The following CFAP299 variants were observed in gnomAD, a reference collection of about 807,000 sequenced individuals.
CFAP299 encodes cilia and flagella associated protein 299.
A neutral mutation model predicts 27.0 loss-of-function variants in CFAP299; 21 were observed. That is an observed-to-expected ratio of 0.78 (90% CI 0.55 to 1.12). The LOEUF is 1.12. Ranked by LOEUF, CFAP299 falls within the 50% of genes most tolerant of loss-of-function variation. The pLI is 0.00. For missense variants in CFAP299, 310 were observed against 276.6 expected, an observed-to-expected ratio of 1.12 and a Z score of -0.86; for synonymous variants, 104 against 98.1, an observed-to-expected ratio of 1.06 and a Z score of -0.36.
At chr4:80,644,597 T>C (rs1359942297) in intron 3 of CFAP299, among the ~76,000 whole-genome samples, 1 of 152,196 alleles carries the variant, frequency 6.6e-6, no homozygotes, top group Non-Finnish European at 1.5e-5. Context: ...GCATTACAGA[T>C]CAATTAGTAA....
chr4:80,645,714 T>C (rs1419349985), intron 3 of CFAP299, among the ~76,000 whole-genome samples: 2 of 152,192 alleles, frequency 1.3e-5, no homozygotes, highest in African/African-American at 4.8e-5. Context: ...TCAGGTAGTT[T>C]AAATAGCTTC....
intron 2 of CFAP299, among the ~76,000 whole-genome samples, chr4:80,533,478 T>A (rs1257377848): frequency 6.6e-6 from 1 of 152,214 alleles, no homozygotes; most frequent in Non-Finnish European, 1.5e-5. Flanking sequence ...TAAATCCCTT[T>A]TTCTTTTCAG....
chr4:80,494,022 G>A (rs192955753), intron 2 of CFAP299, among the ~76,000 whole-genome samples: 16 of 151,784 alleles, frequency 1.1e-4, no homozygotes, highest in South Asian at 2.1e-4. Flanking sequence ...TGATCCACCC[G>A]CCTCGGCCTC....
chr4:80,692,017 A>G (rs1720740454), intron 3 of CFAP299, among the ~76,000 whole-genome samples: 1 of 152,178 alleles, frequency 6.6e-6, no homozygotes, highest in African/African-American at 2.4e-5. Flanking sequence ...AAGGAGAACT[A>G]CAAACCACTG....
At chr4:80,482,398 C>T (rs1352020551) in intron 2 of CFAP299, among the ~76,000 whole-genome samples, 1 of 152,030 alleles carries the variant, frequency 6.6e-6, no homozygotes, top group African/African-American at 2.4e-5. Context: ...CATTATAATT[C>T]TCCTAAGAAA....
chr4:80,692,891 T>C (rs1720824884), intron 3 of CFAP299, among the ~76,000 whole-genome samples: 1 of 151,752 alleles, frequency 6.6e-6, no homozygotes, highest in Non-Finnish European at 1.5e-5. Flanking sequence ...GTGAAGGACA[T>C]GAACAGACGC....
intron 4 of CFAP299, among the ~76,000 whole-genome samples, chr4:80,935,471 A>T (rs1225330001): frequency 6.6e-6 from 1 of 152,146 alleles, no homozygotes; most frequent in Non-Finnish European, 1.5e-5. Context: ...AGCAATGGGG[A>T]AAGTATTCCC....
chr4:80,848,774 T>C (rs1345331632), intron 3 of CFAP299, among the ~76,000 whole-genome samples: 1 of 151,978 alleles, frequency 6.6e-6, no homozygotes, highest in Non-Finnish European at 1.5e-5. Flanking sequence ...ATACCCTGTC[T>C]CAAAAAAACA....
intron 2 of CFAP299, among the ~76,000 whole-genome samples, chr4:80,491,001 A>T (rs751919406): frequency 2.4e-4 from 35 of 143,516 alleles, no homozygotes; most frequent in Non-Finnish European, 4.5e-4. Flanking sequence ...AACAGTGCTC[A>T]AGTAGTTTGT....
chr4:80,691,674 G>A (rs1317095303), intron 3 of CFAP299, among the ~76,000 whole-genome samples: 7 of 150,582 alleles, frequency 4.6e-5, no homozygotes, highest in African/African-American at 1.2e-4. Context: ...ATTCAACATA[G>A]TGTTGGAAGT....
intron 3 of CFAP299, among the ~76,000 whole-genome samples, chr4:80,662,443 A>C (rs1308788278): frequency 6.6e-6 from 1 of 150,460 alleles, no homozygotes; most frequent in African/African-American, 2.4e-5. Flanking sequence ...TGGGTTAGGA[A>C]GTCTTCAGAT....
intron 2 of CFAP299, among the ~76,000 whole-genome samples, chr4:80,390,948 CACACATGTATATATGT>C (rs1560544109): frequency 4.7e-5 from 2 of 42,216 alleles, no homozygotes; most frequent in Non-Finnish European, 6.2e-5. Context: ...TATGTATGTA[CACACATGTATATATGT>C]ATATATGTAT....
intron 3 of CFAP299, among the ~76,000 whole-genome samples, chr4:80,817,344 A>G (rs1221864623): frequency 6.6e-6 from 1 of 152,064 alleles, no homozygotes; most frequent in Non-Finnish European, 1.5e-5. Context: ...ATTTGCTATT[A>G]AAAGTTTGTA....
chr4:80,488,905 A>C (rs914215226), intron 2 of CFAP299, among the ~76,000 whole-genome samples: 4 of 152,186 alleles, frequency 2.6e-5, no homozygotes, highest in African/African-American at 4.8e-5. Flanking sequence ...CAGTATTCAG[A>C]GTGGGTACTA....
At chr4:80,456,981 T>A (rs1729197726) in intron 2 of CFAP299, among the ~76,000 whole-genome samples, 1 of 133,550 alleles carries the variant, frequency 7.5e-6, no homozygotes, top group Non-Finnish European at 1.6e-5. Flanking sequence ...TCATTCCAAA[T>A]GCTTTTTTTT....
At chr4:80,801,862 A>T (rs1363278610) in intron 3 of CFAP299, among the ~76,000 whole-genome samples, 1 of 152,100 alleles carries the variant, frequency 6.6e-6, no homozygotes, top group Non-Finnish European at 1.5e-5. Flanking sequence ...GCTTTCTCAC[A>T]TTCAAGCTCC....
chr4:80,522,321 T>TA (rs1161760083), intron 2 of CFAP299, among the ~76,000 whole-genome samples: 1 of 152,056 alleles, frequency 6.6e-6, no homozygotes, highest in Non-Finnish European at 1.5e-5. Context: ...AATGTTTCTT[T>TA]ACCCCTTTGC....
intron 2 of CFAP299, among the ~76,000 whole-genome samples, chr4:80,430,111 A>G (rs1727735838): frequency 6.6e-6 from 1 of 152,096 alleles, no homozygotes; most frequent in South Asian, 2.1e-4. Context: ...GGGTTTTCAT[A>G]TTTTTATTCA....
intron 2 of CFAP299, among the ~76,000 whole-genome samples, chr4:80,536,633 A>T (rs1733752347): frequency 6.6e-6 from 1 of 152,312 alleles, no homozygotes; most frequent in African/African-American, 2.4e-5. Flanking sequence ...GTCCCTTCAA[A>T]GAATGTTGGC....
Sources: allele counts gnomAD v4.1 joint callset (sites outside exome capture counted in the v4.1 genomes callset), GRCh38; gene constraint gnomAD v4.1.1; transcripts MANE v1.5; gene names NCBI Gene and HGNC (gene_info 2026-07-23, HGNC 2026-07-21).